The following DPP10 variants were observed in gnomAD, a reference collection of about 807,000 sequenced individuals.
The protein encoded by DPP10 is inactive dipeptidyl peptidase 10.
Under a neutral mutation model 120.9 loss-of-function variants are expected in DPP10, and 33 were observed. That is an observed-to-expected ratio of 0.27 (90% confidence interval 0.21 to 0.37). The LOEUF is 0.37. DPP10 is among the 10% of genes least tolerant of loss of function. The probability of loss-of-function intolerance (pLI) is 1.00; values close to 1 mark genes in which losing one functional copy is unlikely to be tolerated. For missense variants in DPP10, 816 were observed against 942.8 expected (o/e 0.87, Z 1.76); for synonymous variants, 337 against 326.1 (o/e 1.03, Z -0.36).
chr2:115,372,790 T>G (rs1406443865), intron 3 of DPP10, among the ~76,000 whole-genome samples: 1 of 152,120 alleles, frequency 6.6e-6, no homozygotes, highest in African/African-American at 2.4e-5. Flanking sequence ...AGCAGTATGG[T>G]GTAGGGAGAA....
intron 3 of DPP10, among the ~76,000 whole-genome samples, chr2:115,384,928 C>T (rs1480516228): frequency 1.3e-5 from 2 of 152,092 alleles, no homozygotes; most frequent in Non-Finnish European, 2.9e-5. Flanking sequence ...GTGGTGGTTT[C>T]CCCCATACTA....
intron 19 of DPP10, among the ~76,000 whole-genome samples, chr2:115,794,279 T>C (rs1173085512): frequency 6.6e-6 from 1 of 152,144 alleles, no homozygotes; most frequent in African/African-American, 2.4e-5. Flanking sequence ...AATTATATAA[T>C]GAATGCATGA....
rs143930403 is a variant in DPP10 at position 115,468,692 on chromosome 2, G to T, written c.272-30818G>T. 1,085 of 357,922 alleles carry T rather than the reference G, an allele frequency of 3.0e-3. 4 individuals are homozygous for T. The highest frequency in any genetic ancestry group is 5.2e-3 in the Non-Finnish European group (941 of 181,312). 22.2% of individuals were successfully genotyped at this position (357,922 alleles called of 1,614,324 possible). ...CTGAAGGATTAAAAAGGAAGAGCAG[G>T]CTGCTACTGAAAAAGCTATGACCAA... On this transcript the variant is annotated intron_variant, in intron 3 of 25. Transcript: ENST00000410059.
intron 1 of DPP10, among the ~76,000 whole-genome samples, chr2:114,452,338 T>G (rs1433699245): frequency 6.6e-6 from 1 of 152,214 alleles, no homozygotes; most frequent in Non-Finnish European, 1.5e-5. Context: ...CTTGTGTTTT[T>G]TGAAAGATCA....
chr2:115,693,707 T>G (rs1022830937), intron 7 of DPP10, among the ~76,000 whole-genome samples: 24 of 152,078 alleles, frequency 1.6e-4, no homozygotes, highest in African/African-American at 5.6e-4. Context: ...ATACTAAAAA[T>G]GTATAAAAAT....
chr2:114,902,149 T>C (rs1574453988), intron 1 of DPP10, among the ~76,000 whole-genome samples: 1 of 152,352 alleles, frequency 6.6e-6, no homozygotes, highest in East Asian at 1.9e-4. Context: ...GGCCATTTTC[T>C]GAGACTTTTT....
intron 1 of DPP10, among the ~76,000 whole-genome samples, chr2:115,061,221 C>A (rs1319403102): frequency 6.6e-6 from 1 of 152,176 alleles, no homozygotes; most frequent in African/African-American, 2.4e-5. Flanking sequence ...TATTTATGCA[C>A]TTGTTTAAGA....
At chr2:114,449,804 C>G (rs1678156702) in intron 1 of DPP10, among the ~76,000 whole-genome samples, 2 of 152,074 alleles carry the variant, frequency 1.3e-5, no homozygotes, top group Admixed American at 1.3e-4. Context: ...TAGTGAGAAT[C>G]AATTTTTATG....
At chr2:114,779,061 G>T (rs1259364493) in intron 1 of DPP10, among the ~76,000 whole-genome samples, 2 of 151,982 alleles carry the variant, frequency 1.3e-5, no homozygotes, top group African/African-American at 4.8e-5. Flanking sequence ...TCTATTTTTG[G>T]TCCAGTGGAG....
chr2:115,406,839 T>C (rs866926458), intron 3 of DPP10, among the ~76,000 whole-genome samples: 1 of 152,148 alleles, frequency 6.6e-6, no homozygotes, highest in Non-Finnish European at 1.5e-5. Context: ...ACAAATATAA[T>C]TGTGATTTCA....
At chr2:115,618,427 A>T (rs968162768) in intron 5 of DPP10, among the ~76,000 whole-genome samples, 4 of 152,184 alleles carry the variant, frequency 2.6e-5, no homozygotes, top group African/African-American at 9.7e-5. Flanking sequence ...GGTGGAATTA[A>T]TGAAGAGTTG....
intron 1 of DPP10, among the ~76,000 whole-genome samples, chr2:115,302,687 G>A (rs1228916486): frequency 6.6e-6 from 1 of 151,992 alleles, no homozygotes; most frequent in African/African-American, 2.4e-5. Context: ...TTTCTAACAA[G>A]CTTCCAGCTG....
chr2:114,929,798 A>G (rs560522849), intron 1 of DPP10, among the ~76,000 whole-genome samples: 14 of 152,336 alleles, frequency 9.2e-5, no homozygotes, highest in Admixed American at 2.6e-4. Context: ...CAGCCATAGG[A>G]AATTATAAGA....
In DPP10 at chr2:115,658,037, G is replaced by A. The variant is rs1010670809; in HGVS notation, c.442-31650G>A. On this transcript the variant is annotated intron_variant, in intron 5 of 25. Transcript: ENST00000410059. ...CAGTAAAACTAGTGATATATTTAATGTGACAATAATGTGTTAATTTTTATT... is the reference window on the plus strand; with the variant it reads ...CAGTAAAACTAGTGATATATTTAATATGACAATAATGTGTTAATTTTTATT... Among the ~76,000 whole-genome samples, 18 of 152,046 alleles carry A rather than the reference G, an allele frequency of 1.2e-4. 1 individual carries two copies. The highest frequency in any genetic ancestry group is 1.2e-3 in the Admixed American group (18 of 15,254).
intron 1 of DPP10, among the ~76,000 whole-genome samples, chr2:114,868,387 T>A (rs1347460862): frequency 6.6e-6 from 1 of 152,200 alleles, no homozygotes; most frequent in Non-Finnish European, 1.5e-5. Context: ...AGGACTATTG[T>A]ATCTTAAAGT....
chr2:114,802,996 G>T (rs1323006308), intron 1 of DPP10, among the ~76,000 whole-genome samples: 1 of 151,998 alleles, frequency 6.6e-6, no homozygotes, highest in Non-Finnish European at 1.5e-5. Context: ...AGATGGCTGT[G>T]TCCCCACCCA....
At chr2:114,768,672 G>A (rs1680964084) in intron 1 of DPP10, among the ~76,000 whole-genome samples, 1 of 152,142 alleles carries the variant, frequency 6.6e-6, no homozygotes, top group Non-Finnish European at 1.5e-5. Flanking sequence ...GTATCTGGAT[G>A]TGGATATATT....
intron 1 of DPP10, among the ~76,000 whole-genome samples, chr2:115,186,748 A>G (rs139197944): frequency 2.1e-3 from 320 of 152,318 alleles, no homozygotes; most frequent in African/African-American, 7.2e-3. Context: ...GAGCCATGTC[A>G]TGGAAATTGT....
chr2:115,384,322 T>C (rs2066684043), intron 3 of DPP10, among the ~76,000 whole-genome samples: 1 of 151,768 alleles, frequency 6.6e-6, no homozygotes, highest in Non-Finnish European at 1.5e-5. Flanking sequence ...TGCAGTGAGC[T>C]ATGATCACAT....
Sources: allele counts gnomAD v4.1 joint callset (sites outside exome capture counted in the v4.1 genomes callset), GRCh38; gene constraint gnomAD v4.1.1; transcripts MANE v1.5; gene names NCBI Gene and HGNC (gene_info 2026-07-23, HGNC 2026-07-21).